CLNK: variants seen among roughly 807,000 people sequenced by gnomAD.
The protein encoded by CLNK is cytokine-dependent hematopoietic cell linker.
CLNK carries 74 observed loss-of-function variants against 68.6 expected under a neutral mutation model. That is an observed-to-expected ratio of 1.08 (90% CI 0.89 to 1.31). The LOEUF (loss-of-function observed/expected upper bound fraction) is 1.31, where lower values mean the gene tolerates loss of function less well. Ranked by LOEUF, CLNK falls within the 50% of genes most tolerant of loss-of-function variation. The probability of loss-of-function intolerance (pLI) is 0.00; values close to 1 mark genes in which losing one functional copy is unlikely to be tolerated. For synonymous variants in CLNK, 198 were observed against 172.2 expected, an observed-to-expected ratio of 1.15 and a Z score of -1.17; for missense variants, 553 against 515.3, an observed-to-expected ratio of 1.07 and a Z score of -0.71.
chr4:10,593,171 C>T (rs181876735), intron 3 of CLNK, among the ~76,000 whole-genome samples: 11 of 152,310 alleles, frequency 7.2e-5, no homozygotes, highest in Non-Finnish European at 1.3e-4. Flanking sequence ...GGCGGCACTC[C>T]GCCTTCTGCA....
At chr4:10,689,941 C>A in the CLNK span, among the ~76,000 whole-genome samples, 1 of 151,886 alleles carries the variant, frequency 6.6e-6, no homozygotes, top group South Asian at 2.1e-4. Flanking sequence ...AGGACACATG[C>A]TATGAGCCTC....
chr4:10,658,741 C>T (rs564093494), intron 2 of CLNK, among the ~76,000 whole-genome samples: 9 of 152,254 alleles, frequency 5.9e-5, no homozygotes, highest in African/African-American at 1.7e-4. Context: ...TGCACGGACC[C>T]GACACAGTGT....
intron 2 of CLNK, among the ~76,000 whole-genome samples, chr4:10,632,759 T>C (rs1324827852): frequency 1.3e-5 from 2 of 152,348 alleles, no homozygotes; most frequent in East Asian, 3.9e-4. Context: ...TTATTCAGTT[T>C]TCACAGAAAA....
At chr4:10,654,393 A>ATATATATATATATATATATATATG (rs1408561335) in intron 2 of CLNK, among the ~76,000 whole-genome samples, 11 of 133,850 alleles carry the variant, frequency 8.2e-5, no homozygotes, top group Non-Finnish European at 1.5e-4. Flanking sequence ...AAATATATAT[A>ATATATATATATATATATATATATG]TATATATATA....
intron 2 of CLNK, among the ~76,000 whole-genome samples, chr4:10,605,486 T>C (rs1381355884): frequency 8.5e-5 from 13 of 152,062 alleles, no homozygotes; most frequent in South Asian, 4.2e-4. Flanking sequence ...TATAAAGATA[T>C]CTAAAAATAG....
chr4:10,677,585 T>C (rs1043796096), intron 1 of CLNK, among the ~76,000 whole-genome samples: 1 of 152,042 alleles, frequency 6.6e-6, no homozygotes, highest in Non-Finnish European at 1.5e-5. Flanking sequence ...CCCATGATGT[T>C]CTTGTGATAG....
chr4:10,728,381 A>G, the CLNK span, among the ~76,000 whole-genome samples: 4 of 94,098 alleles, frequency 4.3e-5, no homozygotes, highest in Admixed American at 4.0e-4. Context: ...ATTTTATTCT[A>G]AAGAGTGTGT....
At chr4:10,671,691 G>C (rs1285764190) in intron 1 of CLNK, among the ~76,000 whole-genome samples, 2 of 152,168 alleles carry the variant, frequency 1.3e-5, no homozygotes, top group African/African-American at 2.4e-5. Context: ...ACAAGGCAGT[G>C]AACACAGATC....
chr4:10,604,190 C>T (rs1273838014), intron 2 of CLNK, among the ~76,000 whole-genome samples: 1 of 152,104 alleles, frequency 6.6e-6, no homozygotes, highest in African/African-American at 2.4e-5. Context: ...ATTCTTACCC[C>T]AAATGACGAA....
Position 10,501,360 on chromosome 4 carries a change from A to G in CLNK, c.1036T>C (p.Tyr346His), listed in dbSNP as rs1717041538. ...DCSTKSKEEP[Y>H]VLAVFYENKV... Reference sequence around the variant, plus strand: ...TTCTCATAAAACACAGCCAAAACATAGGGCTCTTCCTTGGATTTTGTGGAA... The same window carrying G: ...TTCTCATAAAACACAGCCAAAACATGGGGCTCTTCCTTGGATTTTGTGGAA... The change falls in exon 18 of 19, where the codon TAT (tyrosine) becomes CAT (histidine). Residue 346 changes from tyrosine to histidine, a missense_variant. By Grantham distance (83) the Tyr-to-His change is moderately conservative (BLOSUM62 2). Transcript: ENST00000226951. 3 of 1,610,072 alleles carry G rather than the reference A, an allele frequency of 1.9e-6. No individual in the cohort carries two copies. Among genetic ancestry groups the G allele is most frequent in the Non-Finnish European group, 2.5e-6 (3 of 1,178,900 alleles).
At chr4:10,653,908 T>C (rs543903738) in intron 2 of CLNK, among the ~76,000 whole-genome samples, 1 of 152,258 alleles carries the variant, frequency 6.6e-6, no homozygotes, top group South Asian at 2.1e-4. Context: ...GCAACAAAAA[T>C]TACTCATGAG....
chr4:10,502,205 T>C (rs572403889), intron 17 of CLNK, among the ~76,000 whole-genome samples: 138 of 152,328 alleles, frequency 9.1e-4, no homozygotes, highest in African/African-American at 3.3e-3. Context: ...AGAGGTTTAA[T>C]TGACTCAGTT....
At chr4:10,588,329 T>C (rs1019313168) in intron 3 of CLNK, among the ~76,000 whole-genome samples, 2 of 152,202 alleles carry the variant, frequency 1.3e-5, no homozygotes, top group Non-Finnish European at 2.9e-5. Flanking sequence ...CCTGACCTTA[T>C]CTGGATTTTA....
At chr4:10,557,575 C>T (rs1211062863) in intron 8 of CLNK, among the ~76,000 whole-genome samples, 1 of 152,196 alleles carries the variant, frequency 6.6e-6, no homozygotes, top group Non-Finnish European at 1.5e-5. Context: ...CTGCTGTCAG[C>T]CATGGTTCTT....
intron 2 of CLNK, among the ~76,000 whole-genome samples, chr4:10,624,096 C>A (rs1722564220): frequency 1.3e-5 from 2 of 152,132 alleles, no homozygotes; most frequent in South Asian, 4.1e-4. Context: ...GGTGGAAAAG[C>A]AAATAGCCCG....
intron 2 of CLNK, among the ~76,000 whole-genome samples, chr4:10,640,205 G>A (rs775043952): frequency 5.3e-5 from 8 of 150,706 alleles, no homozygotes; most frequent in African/African-American, 9.8e-5. Flanking sequence ...TTACTCTGTC[G>A]CCAGGCTGGA....
At chr4:10,611,605 A>G (rs1231252923) in intron 2 of CLNK, among the ~76,000 whole-genome samples, 5 of 152,052 alleles carry the variant, frequency 3.3e-5, no homozygotes, top group Admixed American at 3.3e-4. Context: ...CCCCAGGAAA[A>G]TAGCCTTTCC....
At chr4:10,608,225 T>C (rs1365219531) in intron 2 of CLNK, among the ~76,000 whole-genome samples, 1 of 152,228 alleles carries the variant, frequency 6.6e-6, no homozygotes, top group African/African-American at 2.4e-5. Context: ...TCATTTCAAC[T>C]CTTCAATTTT....
intron 2 of CLNK, among the ~76,000 whole-genome samples, chr4:10,605,349 C>T (rs979503827): frequency 6.6e-5 from 10 of 152,138 alleles, no homozygotes; most frequent in South Asian, 4.2e-4. Context: ...TTACACAAAC[C>T]GAGACGGTGG....
Sources: allele counts gnomAD v4.1 joint callset (sites outside exome capture counted in the v4.1 genomes callset), GRCh38; gene constraint gnomAD v4.1.1; transcripts MANE v1.5; gene names NCBI Gene and HGNC (gene_info 2026-07-23, HGNC 2026-07-21).